Variants in CNTN3 observed in about 807,000 individuals in gnomAD.
CNTN3 encodes the protein contactin 3, also known as contactin-3.
In CNTN3, 60 loss-of-function variants were observed where a neutral mutation model predicts 119.1. The ratio of observed to expected loss-of-function variants is 0.50; its 90% CI spans 0.41 to 0.62. The LOEUF (loss-of-function observed/expected upper bound fraction) is 0.62, where lower values mean the gene tolerates loss of function less well. CNTN3 is among the 20% of genes least tolerant of loss of function. The pLI, the probability that CNTN3 is intolerant of heterozygous loss-of-function variation, is 0.00. For missense variants in CNTN3, 1,101 were observed against 1,242.4 expected, an observed-to-expected ratio of 0.89 and a Z score of 1.71; for synonymous variants, 450 against 438.7, an observed-to-expected ratio of 1.03 and a Z score of -0.32.
intron 19 of CNTN3, among the ~76,000 whole-genome samples, chr3:74,287,389 T>A (rs1702135680): frequency 6.6e-6 from 1 of 152,134 alleles, no homozygotes; most frequent in South Asian, 2.1e-4. Context: ...AATTTAAATT[T>A]AAAAATGAAA....
chr3:74,339,389 A>G (rs1187493359), intron 11 of CNTN3, among the ~76,000 whole-genome samples: 1 of 152,004 alleles, frequency 6.6e-6, no homozygotes, highest in East Asian at 1.9e-4. Context: ...CCTTCTTTTA[A>G]TGACTTTTTT....
intron 5 of CNTN3, among the ~76,000 whole-genome samples, chr3:74,419,665 C>T (rs1030000138): frequency 5.3e-5 from 8 of 152,194 alleles, no homozygotes; most frequent in African/African-American, 1.9e-4. Flanking sequence ...TGAATCAAGA[C>T]ACCAAAGTCA....
intron 11 of CNTN3, among the ~76,000 whole-genome samples, chr3:74,346,248 G>A (rs1344171690): frequency 6.6e-6 from 1 of 151,954 alleles, no homozygotes; most frequent in Non-Finnish European, 1.5e-5. Flanking sequence ...ATTCATAAAT[G>A]CTAAGAAAAA....
At position 74,578,820 on chromosome 3, in the gene CNTN3, AC is replaced by A. The variant is rs1235740419; in HGVS notation, c.-81+35570del. On this transcript the variant is annotated intron_variant, in intron 1 of 22. Transcript: ENST00000263665. ...TTCATTAGTGAATTAATATGAACTC[AC>A]GTTCCCTGAAATACTGCAAGGCAGG... Among the ~76,000 whole-genome samples, 12 of 152,070 alleles carry A rather than the reference AC, an allele frequency of 7.9e-5. No homozygotes were observed. The East Asian group carries it at 2.1e-3, about 27-fold the overall frequency.
intron 1 of CNTN3, among the ~76,000 whole-genome samples, chr3:74,568,924 C>T (rs1462071773): frequency 3.3e-5 from 5 of 152,158 alleles, no homozygotes; most frequent in Non-Finnish European, 4.4e-5. Flanking sequence ...TTTTCTGACA[C>T]GACCTGTGGC....
chr3:74,309,102 ATTAT>A (rs964838488), intron 13 of CNTN3, among the ~76,000 whole-genome samples: 2 of 151,788 alleles, frequency 1.3e-5, no homozygotes, highest in Non-Finnish European at 2.9e-5. Flanking sequence ...TTTATTATTT[ATTAT>A]TTATTTATTT....
At chr3:74,319,473 C>T (rs1044616872) in intron 13 of CNTN3, among the ~76,000 whole-genome samples, 2 of 152,062 alleles carry the variant, frequency 1.3e-5, no homozygotes, top group African/African-American at 4.8e-5. Context: ...ATGTAGAAAG[C>T]TGAAACTGGA....
intron 4 of CNTN3, among the ~76,000 whole-genome samples, chr3:74,427,101 C>T (rs1701707103): frequency 6.6e-6 from 1 of 152,192 alleles, no homozygotes; most frequent in African/African-American, 2.4e-5. Context: ...GCCCATTGGT[C>T]TAGAGACAAG....
At chr3:74,301,590 C>T (rs1268603897) in intron 15 of CNTN3, 43 bp from the exon 16 acceptor site, 15 of 1,611,904 alleles carry the variant, frequency 9.3e-6, no homozygotes, top group Admixed American at 1.7e-5. Flanking sequence ...CCTGCTTTAG[C>T]ATTGACTTGA....
At chr3:74,368,792 C>T (rs1704263073) in intron 8 of CNTN3, among the ~76,000 whole-genome samples, 1 of 150,916 alleles carries the variant, frequency 6.6e-6, no homozygotes, top group South Asian at 2.1e-4. Context: ...TGCAACTTTT[C>T]CCAAAAGGCA....
intron 1 of CNTN3, among the ~76,000 whole-genome samples, chr3:74,527,498 A>G (rs1703636621): frequency 6.6e-6 from 1 of 151,908 alleles, no homozygotes; most frequent in Non-Finnish European, 1.5e-5. Context: ...CAACTCAAAG[A>G]GATCTTCTCT....
At chr3:74,481,543 T>A (rs1436564526) in intron 4 of CNTN3, among the ~76,000 whole-genome samples, 1 of 152,036 alleles carries the variant, frequency 6.6e-6, no homozygotes, top group African/African-American at 2.4e-5. Flanking sequence ...TTATAACATT[T>A]ACTGAACTGA....
rs375828038 is a variant in CNTN3 at position 74,521,156 on chromosome 3, T to C, written c.-44A>G. The C allele has an allele frequency of 7.5e-6, 9 of 1,201,800 alleles. No individual in the cohort carries two copies. The highest frequency in any genetic ancestry group is 4.6e-5 in the African/African-American group (3 of 64,972). 74.4% of individuals were successfully genotyped at this position (1,201,800 alleles called of 1,614,324 possible). A position where few individuals can be genotyped will look rare whatever the true frequency, so the allele number is the denominator to read the frequency against. ...AGAGTAACTCTTGTCCAGTCTCTGA[T>C]GAATAGAATGCTTTCTCTTCAGGTA... On this transcript the variant is annotated 5_prime_UTR_variant, in exon 2 of 23. Coordinates refer to ENST00000263665, the MANE Select transcript of CNTN3 (RefSeq NM_020872.3).
At chr3:74,588,444 G>T (rs553166517) in intron 1 of CNTN3, among the ~76,000 whole-genome samples, 7 of 151,774 alleles carry the variant, frequency 4.6e-5, no homozygotes, top group African/African-American at 9.7e-5. Context: ...CACTGCTCAA[G>T]GAAATAAAAG....
chr3:74,519,051 A>C (rs911250866), intron 2 of CNTN3, among the ~76,000 whole-genome samples: 6 of 151,870 alleles, frequency 4.0e-5, no homozygotes, highest in African/African-American at 1.4e-4. Flanking sequence ...TGTAGTCTCA[A>C]TTATAATAGG....
At chr3:74,448,525 A>G (rs921422750) in intron 4 of CNTN3, among the ~76,000 whole-genome samples, 1 of 152,174 alleles carries the variant, frequency 6.6e-6, no homozygotes, top group African/African-American at 2.4e-5. Context: ...GTGTAATAAC[A>G]CTAGCTCTAA....
intron 1 of CNTN3, among the ~76,000 whole-genome samples, chr3:74,557,129 CT>C (rs1297048430): frequency 1.6e-4 from 25 of 151,930 alleles, no homozygotes; most frequent in Non-Finnish European, 1.2e-4. Context: ...ATAAAAGTTC[CT>C]AATTTTGATG....
At chr3:74,265,255 T>A (rs1390984530) in intron 22 of CNTN3, among the ~76,000 whole-genome samples, 1 of 152,128 alleles carries the variant, frequency 6.6e-6, no homozygotes, top group Non-Finnish European at 1.5e-5. Context: ...ACAGCAGATG[T>A]CAGATGAAAA....
At chr3:74,493,358 A>T (rs1390574766) in intron 3 of CNTN3, among the ~76,000 whole-genome samples, 1 of 152,256 alleles carries the variant, frequency 6.6e-6, no homozygotes, top group East Asian at 1.9e-4. Context: ...CCCAAATAGA[A>T]TTCACCTCAC....
Sources: gnomAD v4.1 joint callset for allele counts (sites outside exome capture counted in the v4.1 genomes callset) on GRCh38, gnomAD v4.1.1 for gene constraint, MANE v1.5 for transcripts, NCBI Gene and HGNC (gene_info 2026-07-23, HGNC 2026-07-21) for gene names.